The following SULT2A1 variants were observed in gnomAD, a reference collection of about 807,000 sequenced individuals.
SULT2A1 encodes the protein sulfotransferase family 2A member 1.
Under a neutral mutation model 33.9 loss-of-function variants are expected in SULT2A1, and 43 were observed. That is an observed-to-expected ratio of 1.27 (90% confidence interval 1.00 to 1.64). The LOEUF is 1.64. Ranked by LOEUF, SULT2A1 falls within the 40% of genes most tolerant of loss-of-function variation. The pLI is 0.00. For synonymous variants in SULT2A1, 125 were observed against 113.6 expected, an observed-to-expected ratio of 1.10 and a Z score of -0.64; for missense variants, 300 against 335.1, an observed-to-expected ratio of 0.90 and a Z score of 0.82.
chr19:47,874,170 A>C (rs1342538632), intron 5 of SULT2A1, among the ~76,000 whole-genome samples: 1 of 152,134 alleles, frequency 6.6e-6, no homozygotes, highest in African/African-American at 2.4e-5. Context: ...CCACCCACCT[A>C]CAGCCCACAT....
intron 3 of SULT2A1, among the ~76,000 whole-genome samples, chr19:47,880,129 C>A (rs1385316823): frequency 2.9e-5 from 4 of 140,016 alleles, no homozygotes; most frequent in African/African-American, 1.1e-4. Flanking sequence ...CCCAGCTACT[C>A]GGGAGGCTGA....
chr19:47,886,062 G>C (rs1277768374), intron 1 of SULT2A1, 60 bp downstream of exon 1: 17 of 1,578,690 alleles, frequency 1.1e-5, no homozygotes, highest in Non-Finnish European at 1.5e-5. Context: ...CTCCAATCAT[G>C]CACTGAATGG....
chr19:47,879,726 C>T (rs2122151031), intron 3 of SULT2A1, among the ~76,000 whole-genome samples: 1 of 138,268 alleles, frequency 7.2e-6, no homozygotes, highest in South Asian at 2.2e-4. Flanking sequence ...GGGAATTGAA[C>T]AATGAGAACA....
Position 47,883,671 on chromosome 19 carries a change from TACCC to T in SULT2A1, c.247_250del (p.Gly83IlefsTer33). 6.2e-7 allele frequency: 1 copy of T among 1,614,102 alleles called. No individual in the cohort carries two copies. Among genetic ancestry groups the T allele is most frequent in the African/African-American group, 1.3e-5 (1 of 75,018 alleles). On this transcript the variant is annotated frameshift_variant, in exon 2 of 6. Transcript: ENST00000222002. LOFTEE classifies it high-confidence loss of function. ...ACTCTCCGTTTCACTGAGTGCTGTA[TACCC>T]AATCTCACTCTCTACCCAGGGTGAT... is the stretch of plus-strand genomic sequence containing the variant.
Position 47,875,800 on chromosome 19 carries a change from C to T in SULT2A1, c.568-966G>A, listed in dbSNP as rs530508951. Among the ~76,000 whole-genome samples the T allele has an allele frequency of 7.2e-5, 11 of 152,188 alleles. 1 individual carries two copies. The East Asian group carries it at 2.1e-3, about 29-fold the overall frequency. On this transcript the variant is annotated intron_variant, in intron 4 of 5. Transcript: ENST00000222002. Reference sequence around the variant, plus strand: ...AGAGACGTTTAGAGAGGCTTCTAGACAGTAATTAGGGTTAGCAAGGAGAGG... The same window carrying T: ...AGAGACGTTTAGAGAGGCTTCTAGATAGTAATTAGGGTTAGCAAGGAGAGG...
chr19:47,878,029 A>G (rs1472159912), intron 4 of SULT2A1, among the ~76,000 whole-genome samples: 6 of 152,170 alleles, frequency 3.9e-5, no homozygotes, highest in Non-Finnish European at 1.5e-5. Flanking sequence ...TCAGGAACTA[A>G]ATCACTTCTA....
At chr19:47,875,547 A>G (rs1968536102) in intron 4 of SULT2A1, among the ~76,000 whole-genome samples, 1 of 151,952 alleles carries the variant, frequency 6.6e-6, no homozygotes, top group African/African-American at 2.4e-5. Context: ...CTGAGGTGGG[A>G]GGATCACCTG....
chr19:47,874,472 G>A (rs563465912), intron 5 of SULT2A1, among the ~76,000 whole-genome samples, 185 bp downstream of exon 5: 4 of 150,548 alleles, frequency 2.7e-5, no homozygotes, highest in South Asian at 2.1e-4. Context: ...TCCTGGAGGC[G>A]GACGTTGCAG....
chr19:47,873,866 G>T (rs1167656497), intron 5 of SULT2A1, among the ~76,000 whole-genome samples: 1 of 150,168 alleles, frequency 6.7e-6, no homozygotes, highest in African/African-American at 2.5e-5. Flanking sequence ...CTTGTGATCC[G>T]CCCGCCTCGG....
At chr19:47,880,236 CAAAAAA>C (rs1302864795) in intron 3 of SULT2A1, among the ~76,000 whole-genome samples, 1 of 48,334 alleles carries the variant, frequency 2.1e-5, no homozygotes, top group Admixed American at 3.6e-4. Context: ...GACTCTGTCT[CAAAAAA>C]AAAAAAAAAA....
chr19:47,885,524 C>G (rs1968647807), intron 1 of SULT2A1, among the ~76,000 whole-genome samples: 1 of 152,152 alleles, frequency 6.6e-6, no homozygotes, highest in Non-Finnish European at 1.5e-5. Flanking sequence ...CATCTTTTGG[C>G]TATTTGCTGA....
intron 3 of SULT2A1, among the ~76,000 whole-genome samples, chr19:47,879,619 A>C (rs1442911640): frequency 2.0e-5 from 3 of 152,056 alleles, no homozygotes; most frequent in Non-Finnish European, 4.4e-5. Context: ...ATGAGTTCAT[A>C]TCCTTTGTAG....
intron 4 of SULT2A1, among the ~76,000 whole-genome samples, chr19:47,876,768 T>TCAAAA (rs1568638041): frequency 3.5e-5 from 3 of 85,564 alleles, no homozygotes; most frequent in African/African-American, 4.7e-5. Flanking sequence ...AGACTCTGTC[T>TCAAAA]AAAAAAAAAA....
intron 4 of SULT2A1, among the ~76,000 whole-genome samples, chr19:47,878,101 C>T (rs1968565274): frequency 6.6e-6 from 1 of 152,178 alleles, no homozygotes; most frequent in African/African-American, 2.4e-5. Context: ...CACCATAGGT[C>T]TCACCCAGAG....
rs370526585 is a variant in SULT2A1, at chr19:47,874,777, C to T, written c.625G>A (p.Glu209Lys). ...TTCTTGAGAATTAAGTTCAGTTCTT[C>T]GGGTTCTAACGTCTTTCCCAGGAAT... ...CQFLGKTLEP[E>K]ELNLILKNSS... Residue 209 changes from glutamate (E) to lysine (K), a missense_variant, in exon 5 of 6, where the codon GAA becomes AAA. Transcript: ENST00000222002. 49 of 1,613,946 alleles carry T rather than the reference C, an allele frequency of 3.0e-5. No homozygotes were observed. Among genetic ancestry groups the T allele is most frequent in the Non-Finnish European group, 3.8e-5 (45 of 1,180,000 alleles).
chr19:47,873,662 C>T (rs7251378), intron 5 of SULT2A1, among the ~76,000 whole-genome samples: 5,343 of 130,464 alleles, frequency 0.041, 411 homozygotes, highest in African/African-American at 0.15. Context: ...CTTGCTCTGT[C>T]GCCCAGGCTG....
chr19:47,874,926 C>G, intron 4 of SULT2A1, 92 bp from the exon 5 acceptor site: 1 of 1,151,652 alleles, frequency 8.7e-7, no homozygotes, highest in South Asian at 1.5e-5. Context: ...CTCTGGGAGG[C>G]TGAGGCGGTT....
intron 1 of SULT2A1, among the ~76,000 whole-genome samples, 154 bp from the exon 2 acceptor site, chr19:47,883,939 C>G (rs907901421): frequency 6.6e-6 from 1 of 151,756 alleles, no homozygotes. Flanking sequence ...AACCCCGTCT[C>G]TACTAAAAAT....
At chr19:47,880,992 A>G (rs1968598007) in intron 3 of SULT2A1, among the ~76,000 whole-genome samples, 1 of 152,172 alleles carries the variant, frequency 6.6e-6, no homozygotes, top group African/African-American at 2.4e-5. Flanking sequence ...TAGTCTTTGC[A>G]TGAGGGGTGG....
Sources: allele counts gnomAD v4.1 joint callset (sites outside exome capture counted in the v4.1 genomes callset), GRCh38; gene constraint gnomAD v4.1.1; transcripts MANE v1.5; gene names NCBI Gene and HGNC (gene_info 2026-07-23, HGNC 2026-07-21).